Variants in SOX5 observed in about 807,000 individuals in gnomAD.
SOX5 encodes the protein SRY-box transcription factor 5, also known as transcription factor SOX-5.
In SOX5, 9 loss-of-function variants were observed where a neutral mutation model predicts 92.0. The observed-to-expected ratio is 0.10, with a 90% CI of 0.06 to 0.17. The LOEUF is 0.17. Ranked by LOEUF, SOX5 falls within the 10% of genes least tolerant of loss-of-function variation. The pLI is 1.00. For synonymous variants in SOX5, 344 were observed against 336.3 expected (o/e 1.02, Z -0.25); for missense variants, 642 against 944.5 (o/e 0.68, Z 4.20).
chr12:23,862,935 G>T (rs1289137970), intron 2 of SOX5, among the ~76,000 whole-genome samples: 1 of 152,146 alleles, frequency 6.6e-6, no homozygotes, highest in Non-Finnish European at 1.5e-5. Flanking sequence ...GTGAATAACA[G>T]CTTTGTGCAA....
intron 4 of SOX5, among the ~76,000 whole-genome samples, chr12:24,144,348 A>T (rs35930978): frequency 0.12 from 18,229 of 152,186 alleles, 1,534 homozygotes; most frequent in East Asian, 0.42. Flanking sequence ...GAAAATAGGG[A>T]TCTGCAAAAT....
intron 1 of SOX5, among the ~76,000 whole-genome samples, chr12:24,414,468 C>T (rs571462795): frequency 5.3e-4 from 81 of 152,266 alleles, no homozygotes; most frequent in Admixed American, 1.4e-3. Context: ...TGGTCTGCTG[C>T]CAGCAGAGGG....
At chr12:24,167,803 C>T (rs1953596241) in intron 4 of SOX5, among the ~76,000 whole-genome samples, 1 of 152,174 alleles carries the variant, frequency 6.6e-6, no homozygotes, top group African/African-American at 2.4e-5. Context: ...ATTTTCTTTA[C>T]TTATATACAT....
At chr12:24,274,193 A>G (rs1944142007) in intron 3 of SOX5, among the ~76,000 whole-genome samples, 1 of 152,178 alleles carries the variant, frequency 6.6e-6, no homozygotes. Context: ...ATTTTATTGT[A>G]TCAATTACTA....
At chr12:24,181,505 C>A (rs1162103612) in intron 4 of SOX5, among the ~76,000 whole-genome samples, 1 of 152,160 alleles carries the variant, frequency 6.6e-6, no homozygotes, top group Non-Finnish European at 1.5e-5. Flanking sequence ...TTTAATGTAT[C>A]TATCTCCACT....
chr12:23,996,503 C>T (rs1051164510), intron 4 of SOX5, among the ~76,000 whole-genome samples: 1 of 152,088 alleles, frequency 6.6e-6, no homozygotes, highest in Non-Finnish European at 1.5e-5. Context: ...AATACTTGGA[C>T]ATTAAGTGTT....
chr12:24,374,983 A>AT (rs917232052), intron 1 of SOX5, among the ~76,000 whole-genome samples: 4 of 151,592 alleles, frequency 2.6e-5, no homozygotes, highest in African/African-American at 9.7e-5. Flanking sequence ...TTATTTATTT[A>AT]TTTTTTTGAG....
At chr12:23,911,377 C>T (rs1228437609) in intron 1 of SOX5, among the ~76,000 whole-genome samples, 1 of 151,890 alleles carries the variant, frequency 6.6e-6, no homozygotes, top group Non-Finnish European at 1.5e-5. Flanking sequence ...GAAATATAAG[C>T]CAAATTTTTT....
chr12:23,827,583 TAATA>T (rs2096252862), intron 3 of SOX5, among the ~76,000 whole-genome samples: 1 of 152,218 alleles, frequency 6.6e-6, no homozygotes, highest in African/African-American at 2.4e-5. Context: ...TGCATTGTGT[TAATA>T]AATAACCAGC....
At chr12:23,548,755 C>T (rs1943636805) in intron 11 of SOX5, among the ~76,000 whole-genome samples, 1 of 151,802 alleles carries the variant, frequency 6.6e-6, no homozygotes, top group Non-Finnish European at 1.5e-5. Context: ...GACAACTGAT[C>T]CTATAAAGCT....
chr12:23,811,743 G>C (rs531281815), intron 3 of SOX5, among the ~76,000 whole-genome samples: 3 of 152,188 alleles, frequency 2.0e-5, no homozygotes. Context: ...AGAAATACTG[G>C]ATGAAGTACT....
At chr12:24,398,505 C>T (rs1456658597) in intron 1 of SOX5, among the ~76,000 whole-genome samples, 1 of 152,046 alleles carries the variant, frequency 6.6e-6, no homozygotes, top group Non-Finnish European at 1.5e-5. Flanking sequence ...ACCTGTCCCC[C>T]GTCTAGAAAA....
intron 3 of SOX5, among the ~76,000 whole-genome samples, chr12:24,251,632 C>T (rs1392200302): frequency 4.0e-5 from 6 of 150,466 alleles, no homozygotes; most frequent in South Asian, 2.1e-4. Context: ...AGTGCAATGG[C>T]GTGATCTCGA....
chr12:23,596,390 C>A lies in SOX5; in HGVS notation c.1164+7997G>T, dbSNP rs528875553. ...TCAGTAATTGTTGTCATTTTACAAACAAATTTATACTTTGAGGCATCTCTG... is the reference window on the plus strand; with the variant it reads ...TCAGTAATTGTTGTCATTTTACAAAAAAATTTATACTTTGAGGCATCTCTG... On this transcript the variant is annotated intron_variant, in intron 9 of 14. Transcript: ENST00000451604. Among the ~76,000 whole-genome samples the A allele has an allele frequency of 2.6e-5, 4 of 152,232 alleles. No homozygotes were observed. In the South Asian group the frequency reaches 8.3e-4, roughly 32 times the overall value.
intron 3 of SOX5, among the ~76,000 whole-genome samples, chr12:23,827,707 A>T (rs2096254601): frequency 6.6e-6 from 1 of 152,218 alleles, no homozygotes; most frequent in South Asian, 2.1e-4. Context: ...CACATAAAAG[A>T]CAGAGGATAT....
intron 4 of SOX5, among the ~76,000 whole-genome samples, chr12:23,997,447 T>C (rs1006170019): frequency 3.9e-5 from 6 of 152,138 alleles, no homozygotes; most frequent in Admixed American, 1.3e-4. Context: ...GAAATAGACC[T>C]GCCTACAGTC....
chr12:23,769,136 G>A (rs1193181335), intron 3 of SOX5, among the ~76,000 whole-genome samples: 1 of 152,068 alleles, frequency 6.6e-6, no homozygotes, highest in Non-Finnish European at 1.5e-5. Context: ...AGCTTATAGA[G>A]TAGCACCCTC....
intron 10 of SOX5, among the ~76,000 whole-genome samples, chr12:23,571,772 C>T (rs140292964): frequency 6.6e-5 from 10 of 152,166 alleles, no homozygotes; most frequent in African/African-American, 2.2e-4. Context: ...CAAAAAATTA[C>T]TTCAAATCCC....
chr12:24,237,143 T>C (rs886447568), intron 3 of SOX5, among the ~76,000 whole-genome samples: 4 of 152,228 alleles, frequency 2.6e-5, no homozygotes, highest in African/African-American at 7.2e-5. Context: ...TTAGTGGGTA[T>C]GAATAAATGT....
Sources: gnomAD v4.1 joint callset for allele counts (sites outside exome capture counted in the v4.1 genomes callset) on GRCh38, gnomAD v4.1.1 for gene constraint, MANE v1.5 for transcripts, NCBI Gene and HGNC (gene_info 2026-07-23, HGNC 2026-07-21) for gene names.